DLGAP1: variants seen among roughly 807,000 people sequenced by gnomAD.
The protein encoded by DLGAP1 is DLG associated protein 1, also known as disks large-associated protein 1.
Under a neutral mutation model 90.8 loss-of-function variants are expected in DLGAP1, and 11 were observed. The ratio of observed to expected loss-of-function variants is 0.12; its 90% CI spans 0.08 to 0.20. DLGAP1 has a LOEUF of 0.20. DLGAP1 is among the 10% of genes least tolerant of loss of function. DLGAP1 has a pLI of 1.00. For missense variants in DLGAP1, 1,050 were observed against 1,333.8 expected, an observed-to-expected ratio of 0.79 and a Z score of 3.31; for synonymous variants, 558 against 540.7, an observed-to-expected ratio of 1.03 and a Z score of -0.44.
intron 1 of DLGAP1, chr18:4,275,292 C>T (rs1348193607): frequency 1.3e-5 from 2 of 152,346 alleles, no homozygotes; most frequent in African/African-American, 2.4e-5. Context: ...TGAGTGCTCT[C>T]TCTCACAGGA....
chr18:3,741,064 C>CCT lies in DLGAP1; in HGVS notation c.1350+1270_1350+1271insAG, dbSNP rs1568048026. 6.2e-4 allele frequency among the ~76,000 whole-genome samples: 64 copies of CCT among 103,868 alleles called. 1 individual carries two copies. The highest frequency in any genetic ancestry group is 2.2e-3 in the African/African-American group (53 of 23,740). The allele number at this position is 103,868 out of a possible 152,430, so 68.1% of individuals were successfully genotyped here. ...CACCTCACCACCACCACCATCACCA[C>CCT]CACCACCACCACCACCATCACCATC... On this transcript the variant is annotated intron_variant, in intron 6 of 12. Transcript: ENST00000315677.
rs145493604 is a variant in DLGAP1, at chr18:3,712,484, G to A, written c.1591+16651C>T. On this transcript the variant is annotated intron_variant, in intron 7 of 12. Transcript: ENST00000315677. ...ACCTGTACCTGTTAACTCCCACAAG[G>A]CACTCCTTACAGAACACCTCATGGA... Among the ~76,000 whole-genome samples the A allele has an allele frequency of 3.0e-3, 453 of 152,286 alleles. 2 individuals carry two copies. The highest frequency in any genetic ancestry group is 0.01 in the African/African-American group (432 of 41,566).
At chr18:4,229,411 A>C (rs1410395909) in intron 1 of DLGAP1, among the ~76,000 whole-genome samples, 1 of 152,110 alleles carries the variant, frequency 6.6e-6, no homozygotes, top group Non-Finnish European at 1.5e-5. Flanking sequence ...GACTAGCATT[A>C]TCTGACTTCA....
intron 2 of DLGAP1, among the ~76,000 whole-genome samples, chr18:4,085,117 A>C (rs1473881097): frequency 1.3e-5 from 2 of 152,236 alleles, no homozygotes; most frequent in African/African-American, 4.8e-5. Context: ...GAGGCAGGAC[A>C]GGCAGTCTTG....
rs553079301 is a variant in DLGAP1, at chr18:4,012,163, T to A, written c.-158-6962A>T. 4.6e-5 allele frequency among the ~76,000 whole-genome samples: 7 copies of A among 152,300 alleles called. No homozygotes were observed. The East Asian group carries it at 1.4e-3, about 29-fold the overall frequency. ...TGCCATGCCCACCTCTCCTGGCCTC[T>A]TCAGTGTCCTCCCCCAGCCAAGGGA... On this transcript the variant is annotated intron_variant, in intron 2 of 12. Coordinates refer to ENST00000315677, the MANE Select transcript of DLGAP1 (RefSeq NM_004746.4).
intron 3 of DLGAP1, among the ~76,000 whole-genome samples, chr18:3,980,432 C>A (rs550299887): frequency 6.6e-6 from 1 of 152,096 alleles, no homozygotes; most frequent in Non-Finnish European, 1.5e-5. Context: ...AAAGTGCTTA[C>A]GGCATTATAA....
chr18:4,272,019 C>T (rs184024474), intron 1 of DLGAP1, among the ~76,000 whole-genome samples: 29 of 151,420 alleles, frequency 1.9e-4, no homozygotes, highest in Non-Finnish European at 3.7e-4. Context: ...ATTCTTTATC[C>T]ATTTTTTTCT....
chr18:4,066,031 A>G (rs1438589999), intron 2 of DLGAP1, among the ~76,000 whole-genome samples: 5 of 152,142 alleles, frequency 3.3e-5, no homozygotes, highest in Admixed American at 3.3e-4. Flanking sequence ...CAAGTATCTG[A>G]TCTTCTACAA....
chr18:3,746,940 A>C (rs1170192195), intron 5 of DLGAP1, among the ~76,000 whole-genome samples: 1 of 152,226 alleles, frequency 6.6e-6, no homozygotes, highest in African/African-American at 2.4e-5. Flanking sequence ...TCTTAATAAT[A>C]CTAAACCCTG....
chr18:3,642,043 C>T (rs115892993), intron 7 of DLGAP1, among the ~76,000 whole-genome samples: 1,607 of 152,270 alleles, frequency 0.011, 18 homozygotes, highest in African/African-American at 0.037. Flanking sequence ...GTTTCATAGA[C>T]CAGTGCCTGT....
intron 7 of DLGAP1, among the ~76,000 whole-genome samples, chr18:3,690,324 C>G (rs375586372): frequency 6.6e-6 from 1 of 151,838 alleles, no homozygotes; most frequent in African/African-American, 2.4e-5. Flanking sequence ...TGGGCTCAAG[C>G]GATCTGTCCC....
intron 4 of DLGAP1, among the ~76,000 whole-genome samples, chr18:3,821,545 ATTTTC>A (rs1175958328): frequency 7.9e-5 from 12 of 152,308 alleles, no homozygotes; most frequent in Middle Eastern, 3.4e-3. Context: ...CGTGTCACTA[ATTTTC>A]TAGCACTGCT....
chr18:4,018,753 G>A (rs117295281), intron 2 of DLGAP1, among the ~76,000 whole-genome samples: 2,284 of 152,292 alleles, frequency 0.015, 24 homozygotes, highest in Middle Eastern at 0.11. Flanking sequence ...CAGAGCAGAA[G>A]AACTTTCAGC....
chr18:4,313,829 T>A (rs1371777291), intron 1 of DLGAP1, among the ~76,000 whole-genome samples: 2 of 152,048 alleles, frequency 1.3e-5, no homozygotes, highest in African/African-American at 4.8e-5. Context: ...ATAAATAAAT[T>A]GTTAACAAAG....
At position 4,006,272 on chromosome 18, in the gene DLGAP1, GC is replaced by G. The variant is rs369190502; in HGVS notation, c.-158-1072del. Among the ~76,000 whole-genome samples the G allele has an allele frequency of 2.6e-3, 403 of 152,308 alleles. 6 individuals carry two copies. Among genetic ancestry groups the G allele is most frequent in the African/African-American group, 8.9e-3 (368 of 41,562 alleles). On this transcript the variant is annotated intron_variant, in intron 2 of 12. Transcript: ENST00000315677. ...ATCCTGTTTGTCTTCTAGGGCCAGA[GC>G]AGGGCTAAACTGTGTTTGAAAGAAC...
intron 7 of DLGAP1, among the ~76,000 whole-genome samples, chr18:3,661,316 G>A (rs1448357115): frequency 6.6e-6 from 1 of 152,212 alleles, no homozygotes; most frequent in African/African-American, 2.4e-5. Context: ...TGGAGGCTAT[G>A]TCTCCTCTCC....
chr18:3,600,767 T>TATATAGATATATATAG (rs1568277897), intron 7 of DLGAP1, among the ~76,000 whole-genome samples: 5,981 of 35,196 alleles, frequency 0.17, 2,386 homozygotes, highest in Non-Finnish European at 0.22. Flanking sequence ...GATATATAGA[T>TATATAGATATATATAG]ATATATAGAT....
intron 1 of DLGAP1, among the ~76,000 whole-genome samples, chr18:4,357,107 G>A (rs867072685): frequency 0.017 from 2,510 of 149,980 alleles, 59 homozygotes; most frequent in African/African-American, 0.056. Context: ...GTGTGTGTGT[G>A]TGTGTACGAT....
chr18:4,413,048 G>T (rs562542114), intron 1 of DLGAP1, among the ~76,000 whole-genome samples: 27 of 152,170 alleles, frequency 1.8e-4, no homozygotes, highest in Non-Finnish European at 3.5e-4. Flanking sequence ...GGGCGTTTTT[G>T]ATACTCCCTG....
Sources: gnomAD v4.1 joint callset for allele counts (sites outside exome capture counted in the v4.1 genomes callset) on GRCh38, gnomAD v4.1.1 for gene constraint, MANE v1.5 for transcripts, NCBI Gene and HGNC (gene_info 2026-07-23, HGNC 2026-07-21) for gene names.